RGS12: variants seen among roughly 807,000 people sequenced by gnomAD.
RGS12 encodes the protein regulator of G-protein signaling 12.
In RGS12, 66 loss-of-function variants were observed where a neutral mutation model predicts 120.1. The observed-to-expected ratio is 0.55, with a 90% CI of 0.45 to 0.67. The LOEUF is 0.67. Ranked by LOEUF, RGS12 falls within the 30% of genes least tolerant of loss-of-function variation. The probability of loss-of-function intolerance (pLI) is 0.00; values close to 1 mark genes in which losing one functional copy is unlikely to be tolerated. For missense variants in RGS12, 1,859 were observed against 1,957.7 expected (o/e 0.95, Z 0.95); for synonymous variants, 827 against 804.7 (o/e 1.03, Z -0.47).
At chr4:3,347,169 G>A (rs187723407) in intron 3 of RGS12, among the ~76,000 whole-genome samples, 29 of 152,308 alleles carry the variant, frequency 1.9e-4, no homozygotes, top group Admixed American at 1.1e-3. Context: ...TTCTGGCCAG[G>A]CACGGTGGCT....
At chr4:3,336,448 GTC>G (rs1712475074) in intron 2 of RGS12, among the ~76,000 whole-genome samples, 1 of 152,254 alleles carries the variant, frequency 6.6e-6, no homozygotes. Context: ...CTCCTCGTAA[GTC>G]TCTATATTGC....
At chr4:3,292,294 T>TC (rs559484972), upstream of RGS12, among the ~76,000 whole-genome samples, 254 of 152,176 alleles carry the variant, frequency 1.7e-3, 1 homozygote, top group South Asian at 3.3e-3. Context: ...CAGCTCCTCC[T>TC]CTCGTGCCAG....
At position 3,366,698 on chromosome 4, in the gene RGS12, G is replaced by A. The variant is rs1380024813; in HGVS notation, c.1999-19718G>A. On this transcript the variant is annotated intron_variant, in intron 3 of 17. Transcript: ENST00000336727. The surrounding 1 kb of genome is among the most constrained non-coding windows in gnomAD (Gnocchi z 4.0). ...CGCCAGGCATGGCCGGAAAGCTCAG[G>A]AGGCCCTGGTTAGGCTGGGGCATCA... Among the ~76,000 whole-genome samples, 5 of 152,306 alleles carry A rather than the reference G, an allele frequency of 3.3e-5. No homozygotes were observed. Among genetic ancestry groups the A allele is most frequent in the African/African-American group, 1.2e-4 (5 of 41,568 alleles).
chr4:3,338,515 C>T (rs909563889), intron 2 of RGS12, among the ~76,000 whole-genome samples: 8 of 152,386 alleles, frequency 5.2e-5, no homozygotes, highest in East Asian at 3.9e-4. Flanking sequence ...GTTGACCGGC[C>T]GTCCCTTGGG....
chr4:3,312,916 C>CAA (rs76913216), intron 1 of RGS12: 5,758 of 144,386 alleles, frequency 0.04, 135 homozygotes, highest in African/African-American at 0.075. Flanking sequence ...CAGTTTTCTC[C>CAA]AAAAAAAAAA....
At position 3,390,751 on chromosome 4, in the gene RGS12, C is replaced by T. The variant is rs1044357520; in HGVS notation, c.2020+4314C>T. ...CTCTCCTAGCCTTGTGTCTTCATCT[C>T]GCCGGTCCTTGTTAGCGAACAGGCA... On this transcript the variant is annotated intron_variant, in intron 4 of 17. Transcript: ENST00000336727. The surrounding 1 kb of genome is among the most constrained non-coding windows in gnomAD (Gnocchi z 4.6). 1.3e-4 allele frequency among the ~76,000 whole-genome samples: 20 copies of T among 152,334 alleles called. No homozygotes were observed. Among genetic ancestry groups the T allele is most frequent in the Middle Eastern group, 6.8e-3 (2 of 294 alleles).
At chr4:3,296,157 T>C (rs566160637) in intron 1 of RGS12, among the ~76,000 whole-genome samples, 7 of 152,162 alleles carry the variant, frequency 4.6e-5, no homozygotes, top group Non-Finnish European at 1.0e-4. Context: ...CCTGCCTCCA[T>C]TGTCACATCG....
intron 4 of RGS12, among the ~76,000 whole-genome samples, chr4:3,400,543 C>T (rs1168086098): frequency 6.6e-6 from 1 of 151,646 alleles, no homozygotes; most frequent in Non-Finnish European, 1.5e-5. Context: ...TGATAAAAAG[C>T]ACTCATTCCT....
intron 3 of RGS12, among the ~76,000 whole-genome samples, chr4:3,376,528 C>A (rs999308354): frequency 6.6e-6 from 1 of 152,232 alleles, no homozygotes; most frequent in Non-Finnish European, 1.5e-5. Context: ...CCCTCCAAGA[C>A]CCTGCTCACA....
At chr4:3,309,393 ACC>A (rs1724179134) in intron 1 of RGS12, among the ~76,000 whole-genome samples, 2 of 132,766 alleles carry the variant, frequency 1.5e-5, no homozygotes, top group Non-Finnish European at 1.6e-5. Flanking sequence ...AGGAGCTGGG[ACC>A]CTGGAATGGC....
At chr4:3,298,501 C>T (rs1224307800) in intron 1 of RGS12, among the ~76,000 whole-genome samples, 1 of 152,158 alleles carries the variant, frequency 6.6e-6, no homozygotes, top group East Asian at 1.9e-4. Flanking sequence ...CAAGCATGCA[C>T]CCCCACAACT....
intron 2 of RGS12, among the ~76,000 whole-genome samples, chr4:3,339,881 C>T (rs931146430): frequency 3.3e-5 from 5 of 152,166 alleles, no homozygotes; most frequent in African/African-American, 1.2e-4. Context: ...CATGGCCCTC[C>T]CCAGCTCTGT....
chr4:3,289,874 C>G (rs968687468), upstream of RGS12, among the ~76,000 whole-genome samples: 4 of 152,194 alleles, frequency 2.6e-5, no homozygotes, highest in Non-Finnish European at 2.9e-5. Flanking sequence ...GTGACTTGGA[C>G]ATTTTCAGAT....
chr4:3,344,310 A>C (rs1165662835), intron 3 of RGS12, among the ~76,000 whole-genome samples: 1 of 152,190 alleles, frequency 6.6e-6, no homozygotes, highest in African/African-American at 2.4e-5. Context: ...GGCGGGCAGC[A>C]ATCAGAATCG....
chr4:3,299,296 A>T (rs548110672), intron 1 of RGS12, among the ~76,000 whole-genome samples: 2 of 151,986 alleles, frequency 1.3e-5, no homozygotes, highest in Non-Finnish European at 2.9e-5. Flanking sequence ...CCTTTCTGAG[A>T]TATGCCCCTC....
intron 3 of RGS12, among the ~76,000 whole-genome samples, chr4:3,383,086 T>C (rs2108950702): frequency 6.6e-6 from 1 of 152,198 alleles, no homozygotes; most frequent in East Asian, 1.9e-4. Flanking sequence ...CATTAATATA[T>C]GTGGCTTCCA....
At position 3,372,016 on chromosome 4, in the gene RGS12, C is replaced by T. The variant is rs1717056962; in HGVS notation, c.1999-14400C>T. Among the ~76,000 whole-genome samples, 2 of 152,140 alleles carry T rather than the reference C, an allele frequency of 1.3e-5. No individual in the cohort carries two copies. The highest frequency in any genetic ancestry group is 6.5e-5 in the Admixed American group (1 of 15,278). Reference sequence around the variant, plus strand: ...TGGCCAGATCAGTCGATGCCTGGTTCCCTGGCTTTGGCAGGCCGGGAAGAT... The same window carrying T: ...TGGCCAGATCAGTCGATGCCTGGTTTCCTGGCTTTGGCAGGCCGGGAAGAT... On this transcript the variant is annotated intron_variant, in intron 3 of 17. Coordinates refer to ENST00000336727, the MANE Select transcript of RGS12 (RefSeq NM_001394154.1). The surrounding 1 kb of genome is among the most constrained non-coding windows in gnomAD (Gnocchi z 4.3).
At chr4:3,342,475 C>G (rs748150139) in intron 2 of RGS12, 10 of 1,288,800 alleles carry the variant, frequency 7.8e-6, no homozygotes, top group Non-Finnish European at 1.0e-5. Flanking sequence ...CTTAGGGATT[C>G]TTTCATTTCC....
intron 17 of RGS12, among the ~76,000 whole-genome samples, chr4:3,438,943 G>A (rs1158941447): frequency 6.6e-6 from 1 of 152,114 alleles, no homozygotes. Context: ...TGGGCGAGCA[G>A]GTGGCCAGCC....
Sources: gnomAD v4.1 joint callset for allele counts (sites outside exome capture counted in the v4.1 genomes callset) on GRCh38, gnomAD v4.1.1 for gene constraint, Gnocchi (gnomAD v3.1) non-coding constraint, MANE v1.5 for transcripts, NCBI Gene and HGNC (gene_info 2026-07-23, HGNC 2026-07-21) for gene names.